The following SCHIP1 variants were observed in gnomAD, a reference collection of about 807,000 sequenced individuals.
SCHIP1 encodes the protein schwannomin interacting protein 1, also known as schwannomin-interacting protein 1.
SCHIP1 carries 8 observed loss-of-function variants against 29.7 expected under a neutral mutation model. That is an observed-to-expected ratio of 0.27 (90% CI 0.16 to 0.49). The LOEUF (loss-of-function observed/expected upper bound fraction) is 0.49. Among genes scored for constraint, SCHIP1 ranks in the 20% least tolerant of loss-of-function variants. The pLI is 0.99. For missense variants in SCHIP1, 193 were observed against 294.6 expected (o/e 0.66, Z 2.52); for synonymous variants, 76 against 94.9 (o/e 0.80, Z 1.16).
chr3:159,607,008 T>C, the SCHIP1 span, among the ~76,000 whole-genome samples: 12 of 152,204 alleles, frequency 7.9e-5, no homozygotes, highest in Admixed American at 7.2e-4. Flanking sequence ...TAGTAGATGG[T>C]CATTCTACTT....
chr3:159,562,414 G>A, the SCHIP1 span, among the ~76,000 whole-genome samples: 6 of 152,122 alleles, frequency 3.9e-5, no homozygotes, highest in Admixed American at 6.5e-5. Context: ...AGGCAGCCTC[G>A]AGAACTTTAG....
chr3:159,820,850 A>G, the SCHIP1 span, among the ~76,000 whole-genome samples: 1 of 152,218 alleles, frequency 6.6e-6, no homozygotes, highest in South Asian at 2.1e-4. Context: ...GAAGAACTCT[A>G]AGGACTAATC....
At chr3:159,378,438 T>G in the SCHIP1 span, among the ~76,000 whole-genome samples, 1 of 152,236 alleles carries the variant, frequency 6.6e-6, no homozygotes, top group Admixed American at 6.5e-5. Flanking sequence ...GTGGTTGTTT[T>G]TGTTGATGTT....
the SCHIP1 span, among the ~76,000 whole-genome samples, chr3:159,563,839 A>G: frequency 6.6e-6 from 1 of 152,162 alleles, no homozygotes. Flanking sequence ...AGAAAAAAAA[A>G]GTAGAAGGAA....
the SCHIP1 span, among the ~76,000 whole-genome samples, chr3:159,330,259 A>G: frequency 2.0e-5 from 3 of 152,204 alleles, no homozygotes; most frequent in Middle Eastern, 3.4e-3. Context: ...TTCTATTTCT[A>G]TGTGTTCCTT....
the SCHIP1 span, among the ~76,000 whole-genome samples, chr3:159,576,154 G>A: frequency 2.6e-5 from 4 of 152,182 alleles, 1 homozygote; most frequent in South Asian, 8.3e-4. Flanking sequence ...TTGAGGTGAT[G>A]GATATGCTAA....
chr3:159,397,676 G>A, the SCHIP1 span, among the ~76,000 whole-genome samples: 1,510 of 152,294 alleles, frequency 9.9e-3, 5 homozygotes, highest in Non-Finnish European at 0.013. Flanking sequence ...CAGTCTGCCC[G>A]TTCTCAGATC....
At chr3:159,459,537 TAC>T in the SCHIP1 span, among the ~76,000 whole-genome samples, 3,771 of 145,316 alleles carry the variant, frequency 0.026, 145 homozygotes, top group African/African-American at 0.098. Context: ...GTTATTATAG[TAC>T]CCTGTGAAAA....
chr3:159,826,759 A>AG, the SCHIP1 span, among the ~76,000 whole-genome samples: 1 of 152,224 alleles, frequency 6.6e-6, no homozygotes, highest in Non-Finnish European at 1.5e-5. Flanking sequence ...ATAATAAAAA[A>AG]GCCCCAGCAC....
the SCHIP1 span, among the ~76,000 whole-genome samples, chr3:159,580,611 A>G: frequency 2.6e-5 from 4 of 152,332 alleles, no homozygotes; most frequent in South Asian, 8.3e-4. Flanking sequence ...GCAAAAATAA[A>G]ATGAGGCTAG....
chr3:159,492,420 C>T, the SCHIP1 span, among the ~76,000 whole-genome samples: 3 of 152,146 alleles, frequency 2.0e-5, no homozygotes, highest in Admixed American at 6.5e-5. Context: ...CCTGATGGAA[C>T]TGAAAACCAC....
At chr3:159,827,149 C>A in the SCHIP1 span, among the ~76,000 whole-genome samples, 1 of 152,150 alleles carries the variant, frequency 6.6e-6, no homozygotes, top group Non-Finnish European at 1.5e-5. Context: ...GTTTCTTCTA[C>A]TATTCAGATG....
At chr3:159,850,542 CAAAAA>C (rs61224003) in intron 1 of SCHIP1, among the ~76,000 whole-genome samples, 15 of 104,934 alleles carry the variant, frequency 1.4e-4, no homozygotes, top group African/African-American at 4.5e-4. Flanking sequence ...GATTCCATCT[CAAAAA>C]AAAAAAAAAA....
At chr3:159,320,884 T>TG in the SCHIP1 span, among the ~76,000 whole-genome samples, 1 of 151,898 alleles carries the variant, frequency 6.6e-6, no homozygotes, top group African/African-American at 2.4e-5. Context: ...ATCATCTTCC[T>TG]GGGGGGCTAT....
chr3:159,776,332 CT>C, the SCHIP1 span, among the ~76,000 whole-genome samples: 529 of 135,296 alleles, frequency 3.9e-3, no homozygotes, highest in African/African-American at 9.7e-3. Context: ...AGTGTTCTGT[CT>C]TTTTTTTTTT....
At chr3:159,345,528 GT>G in the SCHIP1 span, among the ~76,000 whole-genome samples, 17 of 149,866 alleles carry the variant, frequency 1.1e-4, no homozygotes, top group South Asian at 2.1e-4. Context: ...GAGAAGCTCA[GT>G]TTTTTTTTAC....
At chr3:159,316,781 A>C in the SCHIP1 span, among the ~76,000 whole-genome samples, 26 of 152,224 alleles carry the variant, frequency 1.7e-4, no homozygotes, top group African/African-American at 6.3e-4. Context: ...GAAGTCAATA[A>C]ATCTTACGTC....
At chr3:159,627,064 G>T in the SCHIP1 span, among the ~76,000 whole-genome samples, 10 of 152,076 alleles carry the variant, frequency 6.6e-5, no homozygotes, top group African/African-American at 2.4e-4. Flanking sequence ...GGTGTGTGTT[G>T]TTCCACTCCC....
the SCHIP1 span, among the ~76,000 whole-genome samples, chr3:159,489,836 T>C: frequency 1.3e-5 from 2 of 152,078 alleles, no homozygotes; most frequent in Admixed American, 6.6e-5. Flanking sequence ...AACAAGGTGG[T>C]GGTGAAACAA....
Sources: gnomAD v4.1 joint callset for allele counts (sites outside exome capture counted in the v4.1 genomes callset) on GRCh38, gnomAD v4.1.1 for gene constraint, MANE v1.5 for transcripts, NCBI Gene and HGNC (gene_info 2026-07-23, HGNC 2026-07-21) for gene names.